Variants in CLASRP observed in about 807,000 individuals in gnomAD.
CLASRP encodes CLK4-associating serine/arginine rich protein.
A neutral mutation model predicts 99.9 loss-of-function variants in CLASRP; 52 were observed. The observed-to-expected ratio is 0.52, with a 90% confidence interval of 0.42 to 0.66. The LOEUF (loss-of-function observed/expected upper bound fraction) is 0.66, where lower values mean the gene tolerates loss of function less well. Ranked by LOEUF, CLASRP falls within the 30% of genes least tolerant of loss-of-function variation. The pLI is 0.00. For synonymous variants in CLASRP, 379 were observed against 373.0 expected (o/e 1.02, Z -0.18); for missense variants, 848 against 999.2 (o/e 0.85, Z 2.04).
chr19:45,069,323 T>C, intron 18 of CLASRP, 75 bp downstream of exon 18: 2 of 1,468,614 alleles, frequency 1.4e-6, no homozygotes, highest in Non-Finnish European at 1.9e-6. Context: ...GGCTGCTGGC[T>C]CAAGCCCTGC....
In CLASRP at chr19:45,053,060, C is replaced by T. The variant is rs1235953756; in HGVS notation, c.300-38C>T. On this transcript the variant is annotated intron_variant, in intron 4 of 20. Transcript: ENST00000221455. ...CTGCTGGCTTGGGGGGGGATCCACT[C>T]CTTCTCTCTGATTTCAAGGTCTCGC... 5 of 1,611,062 alleles carry T rather than the reference C, an allele frequency of 3.1e-6. No individual in the cohort carries two copies. In the African/African-American group the frequency reaches 5.3e-5, roughly 17 times the overall value.
rs1967193066 is a variant in CLASRP, at chr19:45,069,851, C to T, written c.1875-171C>T. On this transcript the variant is annotated intron_variant, in intron 18 of 20. Coordinates refer to ENST00000221455, the MANE Select transcript of CLASRP (RefSeq NM_007056.3). Reference sequence around the variant, plus strand: ...GGGGCTGGGATTCCAGTCAGCCCCGCCAGCTGGGGTCCCTCTGAACCTGGG... The same window carrying T: ...GGGGCTGGGATTCCAGTCAGCCCCGTCAGCTGGGGTCCCTCTGAACCTGGG... 3 of 582,982 alleles carry T rather than the reference C, an allele frequency of 5.1e-6. No individual in the cohort carries two copies. In the South Asian group the frequency reaches 6.2e-5, roughly 12 times the overall value. The allele number at this position is 582,982 out of a possible 1,614,324, so 36.1% of individuals were successfully genotyped here. A position where few individuals can be genotyped will look rare whatever the true frequency, so the allele number is the denominator to read the frequency against.
rs1967009101 is a variant in CLASRP, at chr19:45,064,120, G to A, written c.1014G>A (p.Glu338=). Reference sequence around the variant, plus strand: ...CCAGTTTTGGGGGCAGCGATGAGGAGGCAGCCGCAGCCGCTGCTGCCGCAG... The same window carrying A: ...CCAGTTTTGGGGGCAGCGATGAGGAAGCAGCCGCAGCCGCTGCTGCCGCAG... ...FITSFGGSDE[E]AAAAAAAAAA... is the part of the protein sequence containing the mutation. Residue 338 remains glutamate (E), a synonymous_variant, in exon 12 of 21, where the codon GAG becomes GAA. Transcript: ENST00000221455. 3.7e-6 allele frequency: 6 copies of A among 1,610,904 alleles called. No individual in the cohort carries two copies. The East Asian group carries it at 1.3e-4, about 36-fold the overall frequency.
chr19:45,064,902 TCTC>T (rs994935911), intron 13 of CLASRP, among the ~76,000 whole-genome samples: 3 of 152,090 alleles, frequency 2.0e-5, no homozygotes, highest in Admixed American at 6.5e-5. Flanking sequence ...TGCATCTCTC[TCTC>T]CTCAGGAGAC....
rs1436253233 is a variant in CLASRP at position 45,069,052 on chromosome 19, C to T, written c.1769-14C>T. ...AAGGGAACCCCTCAGCCACCCTGTT[C>T]TTTCTCTCTACAGTCAAGGCGGATA... On this transcript the variant is annotated splice_polypyrimidine_tract_variant and intron_variant, in intron 16 of 20. Coordinates refer to ENST00000221455, the MANE Select transcript of CLASRP (RefSeq NM_007056.3). 2 of 1,612,238 alleles carry T rather than the reference C, an allele frequency of 1.2e-6. No homozygotes were observed. The highest frequency in any genetic ancestry group is 1.3e-5 in the African/African-American group (1 of 74,822).
chr19:45,058,676 C>T (rs973604632), intron 7 of CLASRP, among the ~76,000 whole-genome samples: 1 of 152,078 alleles, frequency 6.6e-6, no homozygotes, highest in East Asian at 1.9e-4. Context: ...TGAGCCACCG[C>T]GCTCAGCCCA....
chr19:45,058,201 C>T, intron 7 of CLASRP: 1 of 400,824 alleles, frequency 2.5e-6, no homozygotes, highest in Non-Finnish European at 4.7e-6. Flanking sequence ...CTCTCTCCTG[C>T]TCTCTTCCCT....
chr19:45,060,596 C>A lies in CLASRP; in HGVS notation c.832C>A (p.Arg278=). Residue 278 remains arginine, a synonymous_variant, in exon 10 of 21, where the codon CGG becomes AGG. Transcript: ENST00000221455. This position sits in a 1 kb window ranked among gnomAD's most constrained non-coding sequence, Gnocchi z 4.6. ...CCAGCGGAGAGAGTTTCGGGAGAAG[C>A]GGCTGAGGGGTCGCAAGATCAGCCC... is the stretch of plus-strand genomic sequence containing the variant. ...RRQRREFREK[R]LRGRKISPPS... 1 of 1,610,076 alleles carries A rather than the reference C, an allele frequency of 6.2e-7. No individual in the cohort carries two copies. Among genetic ancestry groups the A allele is most frequent in the Non-Finnish European group, 8.5e-7 (1 of 1,178,734 alleles).
intron 2 of CLASRP, among the ~76,000 whole-genome samples, chr19:45,044,104 A>T (rs1354212265): frequency 1.3e-5 from 2 of 151,788 alleles, no homozygotes; most frequent in Non-Finnish European, 2.9e-5. Flanking sequence ...CTGGTCTCAA[A>T]CTCCTGACTG....
Position 45,060,667 on chromosome 19 carries a change from G to A in CLASRP, c.863+40G>A, listed in dbSNP as rs758810164. 6.7e-7 allele frequency: 1 copy of A among 1,482,330 alleles called. No individual in the cohort carries two copies. Among genetic ancestry groups the A allele is most frequent in the East Asian group, 2.4e-5 (1 of 41,666 alleles). The allele number at this position is 1,482,330 out of a possible 1,614,324, so 91.8% of individuals were successfully genotyped here. On this transcript the variant is annotated intron_variant, in intron 10 of 20. Transcript: ENST00000221455. The surrounding 1 kb of genome is among the most constrained non-coding windows in gnomAD (Gnocchi z 4.6). ...TGAACCCCCACCCTGCTGGCATCTG[G>A]GGGAGGAGAGCAGGGGCTTAGGGCC...
At chr19:45,045,221 G>C (rs1347349123) in intron 2 of CLASRP, among the ~76,000 whole-genome samples, 1 of 152,178 alleles carries the variant, frequency 6.6e-6, no homozygotes, top group Non-Finnish European at 1.5e-5. Context: ...GCCATTTGTT[G>C]AGAAAGTTTC....
At chr19:45,045,103 A>G (rs1463453215) in intron 2 of CLASRP, among the ~76,000 whole-genome samples, 1 of 152,214 alleles carries the variant, frequency 6.6e-6, no homozygotes, top group Non-Finnish European at 1.5e-5. Context: ...TCTCCTGGGC[A>G]CAGCTTCTCT....
intron 5 of CLASRP, among the ~76,000 whole-genome samples, chr19:45,053,903 G>A (rs1972073348): frequency 6.6e-6 from 1 of 152,160 alleles, no homozygotes; most frequent in Non-Finnish European, 1.5e-5. Flanking sequence ...TTATAGACAT[G>A]AAACACTATG....
At chr19:45,056,719 C>A (rs1006043467) in intron 6 of CLASRP, among the ~76,000 whole-genome samples, 185 bp downstream of exon 6, 9 of 152,202 alleles carry the variant, frequency 5.9e-5, no homozygotes, top group African/African-American at 1.9e-4. Flanking sequence ...CCCCGGCTTG[C>A]CGAGGGCTCT....
chr19:45,045,409 C>T (rs1293473275), intron 2 of CLASRP, among the ~76,000 whole-genome samples: 1 of 152,050 alleles, frequency 6.6e-6, no homozygotes, highest in African/African-American at 2.4e-5. Flanking sequence ...CCCAGCTCCT[C>T]AAGAGGCTGA....
intron 13 of CLASRP, among the ~76,000 whole-genome samples, chr19:45,064,932 G>A (rs1365108987): frequency 6.6e-6 from 1 of 152,162 alleles, no homozygotes; most frequent in African/African-American, 2.4e-5. Context: ...TGCTGTCAGG[G>A]GTTCCAGGTG....
At chr19:45,050,439 C>T (rs1972001776) in intron 2 of CLASRP, among the ~76,000 whole-genome samples, 1 of 152,130 alleles carries the variant, frequency 6.6e-6, no homozygotes, top group Non-Finnish European at 1.5e-5. Flanking sequence ...AATCCCAGCA[C>T]TTTGGGAGGC....
intron 15 of CLASRP, 128 bp downstream of exon 15, chr19:45,068,182 G>T: frequency 1.2e-6 from 1 of 806,188 alleles, no homozygotes; most frequent in Non-Finnish European, 2.1e-6. Flanking sequence ...GGGAGGGGAG[G>T]GGAAGGGTCT....
At chr19:45,066,233 C>A (rs1419693894) in intron 13 of CLASRP, among the ~76,000 whole-genome samples, 1 of 151,980 alleles carries the variant, frequency 6.6e-6, no homozygotes, top group African/African-American at 2.4e-5. Context: ...GATTCTCCCG[C>A]CGCAGCCTCC....
Sources: gnomAD v4.1 joint callset for allele counts (sites outside exome capture counted in the v4.1 genomes callset) on GRCh38, gnomAD v4.1.1 for gene constraint, Gnocchi (gnomAD v3.1) non-coding constraint, MANE v1.5 for transcripts, NCBI Gene and HGNC (gene_info 2026-07-23, HGNC 2026-07-21) for gene names.